TMEM240: variants seen among roughly 807,000 people sequenced by gnomAD.
TMEM240 encodes transmembrane protein C1orf70.
TMEM240 carries 3 observed loss-of-function variants against 19.5 expected under a neutral mutation model. The ratio of observed to expected loss-of-function variants is 0.15; its 90% CI spans 0.07 to 0.40. The LOEUF (loss-of-function observed/expected upper bound fraction) is 0.40. Ranked by LOEUF, TMEM240 falls within the 10% of genes least tolerant of loss-of-function variation. TMEM240 has a pLI of 1.00. For missense variants in TMEM240, 210 were observed against 253.5 expected (o/e 0.83, Z 1.17); for synonymous variants, 123 against 109.3 (o/e 1.13, Z -0.78).
At chr1:1,540,230 G>C in intron 1 of TMEM240, 60 bp downstream of exon 1, 1 of 1,217,878 alleles carries the variant, frequency 8.2e-7, no homozygotes, top group Non-Finnish European at 1.0e-6. Context: ...GCGGGAGGTG[G>C]GCCAGGCGGC....
rs1213112256 is a variant in TMEM240 at position 1,535,360 on chromosome 1, C to T, written c.521G>A (p.Ter174=). ...HNGHPSPRHL[*] is the part of the protein sequence containing the mutation. ...GGCCCCGGTAAGTCCCCGTGCGGCT[C>T]ACAGGTGCCGCGGGCTGGGGTGGCC... The change falls in exon 4 of 4, where the codon TGA becomes TAA. Residue 174 remains the stop codon, a stop_retained_variant. Transcript: ENST00000378733. This position sits in a 1 kb window ranked among gnomAD's most constrained non-coding sequence, Gnocchi z 8.2. 2.6e-6 allele frequency: 4 copies of T among 1,549,180 alleles called. No homozygotes were observed. In the Admixed American group the frequency reaches 5.9e-5, roughly 23 times the overall value.
In TMEM240 at chr1:1,535,484, T is replaced by C; in HGVS notation, c.397A>G (p.Lys133Glu). The C allele has an allele frequency of 6.5e-7, 1 of 1,547,898 alleles. No individual in the cohort carries two copies. The highest frequency in any genetic ancestry group is 8.7e-7 in the Non-Finnish European group (1 of 1,145,698). Residue 133 changes from lysine (K) to glutamate (E), a missense_variant, in exon 4 of 4, where the codon AAG (lysine) becomes GAG (glutamate). Lys to Glu is a moderately conservative substitution (Grantham distance 56, BLOSUM62 1). This residue lies in a region of TMEM240 where 157 missense variants were observed against 168.2 expected (regional missense o/e 0.93). Transcript: ENST00000378733. The surrounding 1 kb of genome is among the most constrained non-coding windows in gnomAD (Gnocchi z 8.2). The stretch of plus-strand genomic sequence containing the variant: ...CCCAGCTCCCGCAGGCTGCACAGCT[T>C]GGGCAGCCAGGTCCACGAGCCATCT... ...RYDGSWTWLPKLCSLRELGRR... is the reference protein window; with the variant it reads ...RYDGSWTWLPELCSLRELGRR...
At chr1:1,540,263 GC>G in intron 1 of TMEM240, 26 bp downstream of exon 1, 1 of 1,307,558 alleles carries the variant, frequency 7.6e-7, no homozygotes, top group South Asian at 2.3e-5. Flanking sequence ...GGAGCAGGGG[GC>G]GCGCGCGGGA....
chr1:1,539,357 C>T, intron 2 of TMEM240: 1 of 355,490 alleles, frequency 2.8e-6, no homozygotes, highest in Non-Finnish European at 5.2e-6. Context: ...GCAGGCGCTT[C>T]CTGCCCCAGC....
In TMEM240 at chr1:1,535,870, G is replaced by C; in HGVS notation, c.165-73C>G. ...GGCCTTCCCCCGGGGCGCCTACCCC[G>C]TGGTGGGGGTGTGACCGCGTCAGGC... is the stretch of plus-strand genomic sequence containing the variant. On this transcript the variant is annotated intron_variant, in intron 2 of 3. Coordinates refer to ENST00000378733, the MANE Select transcript of TMEM240 (RefSeq NM_001114748.2). This position sits in a 1 kb window ranked among gnomAD's most constrained non-coding sequence, Gnocchi z 8.2. The C allele has an allele frequency of 4.4e-6, 6 of 1,363,394 alleles. No homozygotes were observed. Among genetic ancestry groups the C allele is most frequent in the Non-Finnish European group, 5.1e-6 (5 of 981,964 alleles). The allele number at this position is 1,363,394 out of a possible 1,614,324, so 84.5% of individuals were successfully genotyped here. A position where few individuals can be genotyped will look rare whatever the true frequency, so the allele number is the denominator to read the frequency against.
In TMEM240 at chr1:1,536,948, G is replaced by C. The variant is rs1188373694; in HGVS notation, c.165-1151C>G. On this transcript the variant is annotated intron_variant, in intron 2 of 3. Transcript: ENST00000378733. The surrounding 1 kb of genome is among the most constrained non-coding windows in gnomAD (Gnocchi z 5.4). ...CCCTCGGTGACGTAGCAGCGCCTCA[G>C]CCTGGTTTTCAGCCGAGACCCAGAG... 6.6e-6 allele frequency among the ~76,000 whole-genome samples: 1 copy of C among 152,010 alleles called. No individual in the cohort carries two copies. The highest frequency in any genetic ancestry group is 1.5e-5 in the Non-Finnish European group (1 of 67,994).
At chr1:1,538,869 G>C (rs1348110350) in intron 2 of TMEM240, among the ~76,000 whole-genome samples, 1 of 152,194 alleles carries the variant, frequency 6.6e-6, no homozygotes, top group Non-Finnish European at 1.5e-5. Flanking sequence ...TGCCCCCTTT[G>C]TCCTTCACTA....
chr1:1,539,964 C>T (rs577635831), intron 1 of TMEM240, among the ~76,000 whole-genome samples, 174 bp from the exon 2 acceptor site: 3 of 58,348 alleles, frequency 5.1e-5, no homozygotes, highest in South Asian at 7.3e-4. Context: ...GGATCGCAGG[C>T]TGGGGAGGGG....
At position 1,534,954 on chromosome 1, in the gene TMEM240, C is replaced by T. The variant is rs1386437184; in HGVS notation, c.*405G>A. Among the ~76,000 whole-genome samples, 2 of 138,866 alleles carry T rather than the reference C, an allele frequency of 1.4e-5. No individual in the cohort carries two copies. The highest frequency in any genetic ancestry group is 3.0e-5 in the Non-Finnish European group (2 of 66,540). 91.1% of individuals were successfully genotyped at this position (138,866 alleles called of 152,430 possible). A position where few individuals can be genotyped will look rare whatever the true frequency, so the allele number is the denominator to read the frequency against. On this transcript the variant is annotated 3_prime_UTR_variant, in exon 4 of 4. Transcript: ENST00000378733. ...TCCCCTCCGCCCAAGCTGGCTGGGG[C>T]CAGACAGACGGTGGACGCAGCGCAC...
intron 2 of TMEM240, among the ~76,000 whole-genome samples, chr1:1,537,079 C>T (rs1427853978): frequency 6.6e-6 from 1 of 152,114 alleles, no homozygotes. Flanking sequence ...ATCCCTGTGC[C>T]CAGCGGGGAC....
rs1039845144 is a variant in TMEM240 at position 1,536,020 on chromosome 1, C to T, written c.165-223G>A. On this transcript the variant is annotated intron_variant, in intron 2 of 3. Coordinates refer to ENST00000378733, the MANE Select transcript of TMEM240 (RefSeq NM_001114748.2). This position sits in a 1 kb window ranked among gnomAD's most constrained non-coding sequence, Gnocchi z 5.4. ...GTCAGTGGCCATGGGCTGTGGAGGC[C>T]GAGCGTGAAGTCCGGGCAGACAGCG... 2.0e-5 allele frequency among the ~76,000 whole-genome samples: 3 copies of T among 152,026 alleles called. No homozygotes were observed. Among genetic ancestry groups the T allele is most frequent in the African/African-American group, 4.8e-5 (2 of 41,360 alleles).
At chr1:1,538,724 C>T (rs1469534944) in intron 2 of TMEM240, among the ~76,000 whole-genome samples, 3 of 152,254 alleles carry the variant, frequency 2.0e-5, no homozygotes, top group African/African-American at 7.2e-5. Flanking sequence ...GACACGCCTG[C>T]TGCACCCATA....
rs940612138 is a variant in TMEM240 at position 1,536,533 on chromosome 1, T to TATG, written c.165-737_165-736insCAT. Among the ~76,000 whole-genome samples the TATG allele has an allele frequency of 2.6e-5, 4 of 152,216 alleles. No homozygotes were observed. In the East Asian group the frequency reaches 7.8e-4, roughly 30 times the overall value. On this transcript the variant is annotated intron_variant, in intron 2 of 3. Transcript: ENST00000378733. This position sits in a 1 kb window ranked among gnomAD's most constrained non-coding sequence, Gnocchi z 5.4. ...CTTTCGTCCTCAGTGCCTGCGCGCC[T>TATG]CCATGTCCCTCGGCCTCCCCTCCCC...
Position 1,539,799 on chromosome 1 carries a change from G to A in TMEM240, c.58-9C>T. 6.5e-7 allele frequency: 1 copy of A among 1,545,680 alleles called. No homozygotes were observed. The highest frequency in any genetic ancestry group is 8.7e-7 in the Non-Finnish European group (1 of 1,145,510). On this transcript the variant is annotated splice_polypyrimidine_tract_variant and intron_variant, in intron 1 of 3. Coordinates refer to ENST00000378733, the MANE Select transcript of TMEM240 (RefSeq NM_001114748.2). The stretch of plus-strand genomic sequence containing the variant: ...ATCAAGCACGCGATGGCCTGGAAGA[G>A]CTCATGACCGGTCAGCGCCAAGGAG...
Position 1,540,395 on chromosome 1 carries a change from C to G in TMEM240, c.-49G>C. 1.1e-6 allele frequency: 1 copy of G among 917,148 alleles called. No individual in the cohort carries two copies. Among genetic ancestry groups the G allele is most frequent in the Non-Finnish European group, 1.4e-6 (1 of 732,480 alleles). 56.8% of individuals were successfully genotyped at this position (917,148 alleles called of 1,614,324 possible). A position where few individuals can be genotyped will look rare whatever the true frequency, so the allele number is the denominator to read the frequency against. On this transcript the variant is annotated 5_prime_UTR_variant, in exon 1 of 4. Transcript: ENST00000378733. ...AGCGCCGCCCCCCGGCCCCGGCGCC[C>G]CCCCGGCCCCGGCCCGATGCTGAGC... is the stretch of plus-strand genomic sequence containing the variant.
rs1364250553 is a variant in TMEM240, at chr1:1,535,294, G to A, written c.*65C>T. The A allele has an allele frequency of 3.1e-5, 47 of 1,514,846 alleles. No homozygotes were observed. The highest frequency in any genetic ancestry group is 1.7e-4 in the Middle Eastern group (1 of 5,834). The allele number at this position is 1,514,846 out of a possible 1,614,324, so 93.8% of individuals were successfully genotyped here. A position where few individuals can be genotyped will look rare whatever the true frequency, so the allele number is the denominator to read the frequency against. On this transcript the variant is annotated 3_prime_UTR_variant, in exon 4 of 4. Transcript: ENST00000378733. This position sits in a 1 kb window ranked among gnomAD's most constrained non-coding sequence, Gnocchi z 8.2. ...CAGTCCCGCCGGCCCGGGCGTCCAC[G>A]AGGTCCCTTTTACATCTGTACAGCA...
At chr1:1,538,274 G>A (rs540766686) in intron 2 of TMEM240, among the ~76,000 whole-genome samples, 34 of 152,352 alleles carry the variant, frequency 2.2e-4, no homozygotes, top group African/African-American at 7.2e-4. Context: ...GGACACACAC[G>A]CAGCAATACC....
rs1642288878 is a variant in TMEM240 at position 1,540,506 on chromosome 1, C to G, written c.-160G>C. 5.1e-5 allele frequency: 4 copies of G among 77,916 alleles called. No individual in the cohort carries two copies. Among genetic ancestry groups the G allele is most frequent in the Non-Finnish European group, 7.3e-5 (3 of 41,188 alleles). 4.8% of individuals were successfully genotyped at this position (77,916 alleles called of 1,614,324 possible). On this transcript the variant is annotated 5_prime_UTR_variant, in exon 1 of 4. Coordinates refer to ENST00000378733, the MANE Select transcript of TMEM240 (RefSeq NM_001114748.2). The stretch of plus-strand genomic sequence containing the variant: ...CCCGGCACCGGCCGGGGGGAGGAGG[C>G]GCGGGGGGGGGGGCGCCGGGGAGGG...
intron 1 of TMEM240, 24 bp downstream of exon 1, chr1:1,540,266 C>G: frequency 7.6e-7 from 1 of 1,309,458 alleles, no homozygotes; most frequent in Non-Finnish European, 9.7e-7. Flanking sequence ...GCAGGGGGCG[C>G]GCGCGGGAAG....
Sources: gnomAD v4.1 joint callset for allele counts (sites outside exome capture counted in the v4.1 genomes callset) on GRCh38, gnomAD v4.1.1 for gene constraint, gnomAD v4.1.1 regional missense constraint, Gnocchi (gnomAD v3.1) non-coding constraint, MANE v1.5 for transcripts, NCBI Gene and HGNC (gene_info 2026-07-23, HGNC 2026-07-21) for gene names.